The following IL19 variants were observed in gnomAD, a reference collection of about 807,000 sequenced individuals.
IL19 encodes the protein interleukin 19, also known as interleukin-19.
Under a neutral mutation model 19.5 loss-of-function variants are expected in IL19, and 15 were observed. That is an observed-to-expected ratio of 0.77 (90% CI 0.52 to 1.19). The LOEUF (loss-of-function observed/expected upper bound fraction) is 1.19, where lower values mean the gene tolerates loss of function less well. Among genes scored for constraint, IL19 ranks in the 50% most tolerant of loss-of-function variants. The pLI is 0.00. For missense variants in IL19, 199 were observed against 213.1 expected (o/e 0.93, Z 0.41); for synonymous variants, 78 against 78.3 (o/e 1.00, Z 0.02).
intron 2 of IL19, among the ~76,000 whole-genome samples, chr1:206,826,676 C>T (rs1363825704): frequency 6.6e-6 from 1 of 152,174 alleles, no homozygotes; most frequent in Non-Finnish European, 1.5e-5. Context: ...TTTCAACTGA[C>T]ATGATTTATT....
At chr1:206,811,885 G>T (rs1676022933) in intron 2 of IL19, among the ~76,000 whole-genome samples, 1 of 152,202 alleles carries the variant, frequency 6.6e-6, no homozygotes, top group South Asian at 2.1e-4. Context: ...GTGCAGATTT[G>T]CTTTCCTGTC....
At chr1:206,795,203 C>G (rs1675494883) in intron 1 of IL19, among the ~76,000 whole-genome samples, 1 of 152,218 alleles carries the variant, frequency 6.6e-6, no homozygotes, top group South Asian at 2.1e-4. Flanking sequence ...AGCCTGACAA[C>G]AGTCTGAGGG....
At chr1:206,825,021 G>A (rs1278719787) in intron 2 of IL19, among the ~76,000 whole-genome samples, 1 of 152,202 alleles carries the variant, frequency 6.6e-6, no homozygotes, top group African/African-American at 2.4e-5. Flanking sequence ...CTCCCAAAGT[G>A]CTGGGATTAT....
At chr1:206,834,974 G>T (rs1327001249) in intron 2 of IL19, among the ~76,000 whole-genome samples, 1 of 152,114 alleles carries the variant, frequency 6.6e-6, no homozygotes, top group East Asian at 1.9e-4. Flanking sequence ...TTCATAGGGT[G>T]GTTGTGAGCA....
In IL19 at chr1:206,793,486, C is replaced by T. The variant is rs138101627; in HGVS notation, c.-148-5375C>T. ...CAGTCGTGCTCTGATCGAATGCCTC[C>T]GATTCCCCCAGCCGGCCTGACTCAC... On this transcript the variant is annotated intron_variant, in intron 1 of 6. Transcript: ENST00000659997. 7.9e-5 allele frequency among the ~76,000 whole-genome samples: 12 copies of T among 152,302 alleles called. 1 individual carries two copies. The East Asian group carries it at 9.7e-4, about 12-fold the overall frequency.
intron 1 of IL19, among the ~76,000 whole-genome samples, chr1:206,779,516 G>C (rs986773043): frequency 1.3e-5 from 2 of 152,238 alleles, no homozygotes; most frequent in Middle Eastern, 6.8e-3. Flanking sequence ...CCCCAACACT[G>C]TCTCATCTCT....
intron 1 of IL19, chr1:206,772,239 A>C: frequency 6.2e-7 from 1 of 1,601,278 alleles, no homozygotes. Flanking sequence ...AGTCCCAGGA[A>C]GAGAGAAAGG....
chr1:206,776,194 C>T (rs1479342874), intron 1 of IL19, among the ~76,000 whole-genome samples: 3 of 152,086 alleles, frequency 2.0e-5, no homozygotes, highest in African/African-American at 4.8e-5. Context: ...TTTTCTGTCT[C>T]ACTCATCAAG....
chr1:206,827,413 G>T (rs575540959), intron 2 of IL19, among the ~76,000 whole-genome samples: 2 of 152,016 alleles, frequency 1.3e-5, no homozygotes, highest in South Asian at 2.1e-4. Context: ...TCTCTCGGCC[G>T]GGCACGGTGG....
At chr1:206,818,686 T>C (rs1042027661) in intron 2 of IL19, among the ~76,000 whole-genome samples, 3 of 152,218 alleles carry the variant, frequency 2.0e-5, no homozygotes, top group African/African-American at 4.8e-5. Context: ...TTGTACACTT[T>C]CGTTACAATA....
chr1:206,827,975 C>T (rs1428677624), intron 2 of IL19, among the ~76,000 whole-genome samples: 1 of 152,196 alleles, frequency 6.6e-6, no homozygotes, highest in Non-Finnish European at 1.5e-5. Context: ...AAGATGAAAA[C>T]AGACAATGCA....
At chr1:206,778,236 A>G (rs551516795) in intron 1 of IL19, among the ~76,000 whole-genome samples, 2 of 152,324 alleles carry the variant, frequency 1.3e-5, no homozygotes, top group East Asian at 3.9e-4. Context: ...CCTTTGTGCA[A>G]CTATGGCACC....
intron 2 of IL19, among the ~76,000 whole-genome samples, chr1:206,810,518 T>C (rs1397201907): frequency 6.6e-6 from 1 of 152,200 alleles, no homozygotes; most frequent in Non-Finnish European, 1.5e-5. Flanking sequence ...AAGAAACACA[T>C]TGACGAAGGT....
intron 6 of IL19, 100 bp downstream of exon 6, chr1:206,841,178 T>G (rs913006122): frequency 1.1e-6 from 1 of 881,910 alleles, no homozygotes; most frequent in African/African-American, 1.7e-5. Flanking sequence ...ATGCATTCAC[T>G]CTATAAGCAG....
chr1:206,830,610 G>T (rs1244294186), intron 2 of IL19, among the ~76,000 whole-genome samples: 2 of 151,322 alleles, frequency 1.3e-5, no homozygotes, highest in Non-Finnish European at 2.9e-5. Context: ...ATGGAGTCTT[G>T]CTCTGTTGCC....
rs866928316 is a variant in IL19, at chr1:206,826,963, T to G, written c.-2-9698T>G. On this transcript the variant is annotated intron_variant, in intron 2 of 6. Coordinates refer to ENST00000659997, the MANE Select transcript of IL19 (RefSeq NM_153758.5). ...CCAGCTCCACCACTACTCAGTTGTC[T>G]GACGAAGGAAACAGAAAGTTGTGAT... 5.3e-5 allele frequency among the ~76,000 whole-genome samples: 8 copies of G among 152,210 alleles called. 1 individual carries two copies. The highest frequency in any genetic ancestry group is 6.3e-3 in the Middle Eastern group (2 of 316).
rs534390238 is a variant in IL19 at position 206,842,876 on chromosome 1, T to C, written c.*254T>C. ...AAGGGCTGCCTTCCCATCTAATTTATTGTAAAGTCATATAGTCCATGTCTG... is the reference window on the plus strand; with the variant it reads ...AAGGGCTGCCTTCCCATCTAATTTACTGTAAAGTCATATAGTCCATGTCTG... On this transcript the variant is annotated 3_prime_UTR_variant, in exon 7 of 7. Coordinates refer to ENST00000659997, the MANE Select transcript of IL19 (RefSeq NM_153758.5). 9.6e-6 allele frequency: 4 copies of C among 416,860 alleles called. No individual in the cohort carries two copies. The South Asian group carries it at 1.4e-4, about 15-fold the overall frequency. 25.8% of individuals were successfully genotyped at this position (416,860 alleles called of 1,614,324 possible).
intron 3 of IL19, 69 bp downstream of exon 3, chr1:206,836,875 G>T (rs1676813783): frequency 1.2e-6 from 2 of 1,606,146 alleles, no homozygotes; most frequent in Non-Finnish European, 1.7e-6. Context: ...GCTTGAAAAT[G>T]AGTTCCTTCT....
At chr1:206,806,199 C>T (rs962830810) in intron 2 of IL19, among the ~76,000 whole-genome samples, 2 of 152,194 alleles carry the variant, frequency 1.3e-5, no homozygotes. Flanking sequence ...AGCACACACC[C>T]ACTCCTGGGA....
Sources: gnomAD v4.1 joint callset for allele counts (sites outside exome capture counted in the v4.1 genomes callset) on GRCh38, gnomAD v4.1.1 for gene constraint, MANE v1.5 for transcripts, NCBI Gene and HGNC (gene_info 2026-07-23, HGNC 2026-07-21) for gene names.